Variants in KIRREL3 observed in about 807,000 individuals in gnomAD.
The protein encoded by KIRREL3 is kirre like nephrin family adhesion molecule 3, also known as kin of IRRE-like protein 3.
Under a neutral mutation model 89.7 loss-of-function variants are expected in KIRREL3, and 36 were observed. The ratio of observed to expected loss-of-function variants is 0.40; its 90% CI spans 0.31 to 0.53. The LOEUF (loss-of-function observed/expected upper bound fraction) is 0.53, where lower values mean the gene tolerates loss of function less well. Ranked by LOEUF, KIRREL3 falls within the 20% of genes least tolerant of loss-of-function variation. The pLI is 0.49. For synonymous variants in KIRREL3, 445 were observed against 441.4 expected, an observed-to-expected ratio of 1.01 and a Z score of -0.10; for missense variants, 864 against 1,056.6, an observed-to-expected ratio of 0.82 and a Z score of 2.53.
At position 126,555,591 on chromosome 11, in the gene KIRREL3, T is replaced by TAGACAC. The variant is rs1374004752; in HGVS notation, c.133+7238_133+7243dup. Among the ~76,000 whole-genome samples, 1 of 151,918 alleles carries TAGACAC rather than the reference T, an allele frequency of 6.6e-6. No individual in the cohort carries two copies. The highest frequency in any genetic ancestry group is 1.5e-5 in the Non-Finnish European group (1 of 67,982). ...AGCAGGGTAGACACAGGGAGCAGGG[T>TAGACAC]AGACACAGGCCCTATGACAGGGGCC... On this transcript the variant is annotated intron_variant, in intron 2 of 16. Coordinates refer to ENST00000525144, the MANE Select transcript of KIRREL3 (RefSeq NM_032531.4). This position sits in a 1 kb window ranked among gnomAD's most constrained non-coding sequence, Gnocchi z 4.2.
rs1945598706 is a variant in KIRREL3 at position 126,883,817 on chromosome 11, T to C, written c.55+116638A>G. Among the ~76,000 whole-genome samples, 1 of 152,144 alleles carries C rather than the reference T, an allele frequency of 6.6e-6. No homozygotes were observed. Among genetic ancestry groups the C allele is most frequent in the Non-Finnish European group, 1.5e-5 (1 of 68,032 alleles). On this transcript the variant is annotated intron_variant, in intron 1 of 16. Coordinates refer to ENST00000525144, the MANE Select transcript of KIRREL3 (RefSeq NM_032531.4). This position sits in a 1 kb window ranked among gnomAD's most constrained non-coding sequence, Gnocchi z 4.1. ...ATTAAAGATCCAATGTTAGAAAGTATGTTATATTAAAAAATGGCCATCCTA... is the reference window on the plus strand; with the variant it reads ...ATTAAAGATCCAATGTTAGAAAGTACGTTATATTAAAAAATGGCCATCCTA...
rs61897913 is a variant in KIRREL3 at position 126,729,110 on chromosome 11, C to T, written c.56-166198G>A. Reference sequence around the variant, plus strand: ...ACACAACTGGGCCATCTTCCCTCATCTCTAGCAGAATGGCTGCCTCCTTAG... The same window carrying T: ...ACACAACTGGGCCATCTTCCCTCATTTCTAGCAGAATGGCTGCCTCCTTAG... On this transcript the variant is annotated intron_variant, in intron 1 of 16. Coordinates refer to ENST00000525144, the MANE Select transcript of KIRREL3 (RefSeq NM_032531.4). The surrounding 1 kb of genome is among the most constrained non-coding windows in gnomAD (Gnocchi z 4.5). 0.16 allele frequency among the ~76,000 whole-genome samples: 23,650 copies of T among 152,194 alleles called. 1,943 individuals are homozygous for T. The highest frequency in any genetic ancestry group is 0.18 in the African/African-American group (7,281 of 41,536).
intron 1 of KIRREL3, among the ~76,000 whole-genome samples, chr11:126,674,370 A>G (rs1209864594): frequency 6.6e-6 from 1 of 152,232 alleles, no homozygotes; most frequent in African/African-American, 2.4e-5. Context: ...CCTTGTTCTC[A>G]TAAGTCCTGA....
intron 1 of KIRREL3, among the ~76,000 whole-genome samples, chr11:126,589,628 G>GA (rs1942043362): frequency 6.6e-6 from 1 of 152,178 alleles, no homozygotes; most frequent in Non-Finnish European, 1.5e-5. Flanking sequence ...AGCAGTGCTG[G>GA]GATAAGTGCT....
chr11:126,725,581 T>C (rs1219328681), intron 1 of KIRREL3, among the ~76,000 whole-genome samples: 1 of 152,224 alleles, frequency 6.6e-6, no homozygotes, highest in African/African-American at 2.4e-5. Context: ...AGTGTGTTTG[T>C]GTGCTCAGTG....
intron 1 of KIRREL3, among the ~76,000 whole-genome samples, chr11:126,960,367 C>A (rs534839047): frequency 5.3e-5 from 8 of 152,206 alleles, no homozygotes; most frequent in Non-Finnish European, 2.9e-5. Flanking sequence ...TTTCAGATAT[C>A]CAGCCGAGGA....
intron 1 of KIRREL3, among the ~76,000 whole-genome samples, chr11:126,816,861 T>G (rs1277805569): frequency 1.3e-5 from 2 of 152,132 alleles, no homozygotes; most frequent in Non-Finnish European, 2.9e-5. Context: ...GAGAAATAAG[T>G]GACTTATTGA....
chr11:126,643,151 A>G lies in KIRREL3; in HGVS notation c.56-80239T>C, dbSNP rs1273891400. Among the ~76,000 whole-genome samples, 6 of 152,218 alleles carry G rather than the reference A, an allele frequency of 3.9e-5. No homozygotes were observed. Among genetic ancestry groups the G allele is most frequent in the African/African-American group, 1.4e-4 (6 of 41,458 alleles). Reference sequence around the variant, plus strand: ...TTCTGTAATATTGGGCAGAAAATGTAAACAAGCATAGCTTCAATTTTCCTA... The same window carrying G: ...TTCTGTAATATTGGGCAGAAAATGTGAACAAGCATAGCTTCAATTTTCCTA... On this transcript the variant is annotated intron_variant, in intron 1 of 16. Coordinates refer to ENST00000525144, the MANE Select transcript of KIRREL3 (RefSeq NM_032531.4). The surrounding 1 kb of genome is among the most constrained non-coding windows in gnomAD (Gnocchi z 4.5).
At chr11:126,532,344 C>T (rs1050726496) in intron 2 of KIRREL3, among the ~76,000 whole-genome samples, 13 of 152,062 alleles carry the variant, frequency 8.5e-5, no homozygotes, top group African/African-American at 3.1e-4. Flanking sequence ...AACAAGGCAG[C>T]CTACTCAGAT....
At position 126,901,803 on chromosome 11, in the gene KIRREL3, AT is replaced by A. The variant is rs1644522289; in HGVS notation, c.55+98651del. Among the ~76,000 whole-genome samples the A allele has an allele frequency of 2.0e-5, 3 of 152,322 alleles. No individual in the cohort carries two copies. In the South Asian group the frequency reaches 6.2e-4, roughly 32 times the overall value. Reference sequence around the variant, plus strand: ...TTCCTCACTTGATAACCTGAATAATATTCATGGCTCTGGAGAGCAAAATCCT... The same window carrying A: ...TTCCTCACTTGATAACCTGAATAATATCATGGCTCTGGAGAGCAAAATCCT... On this transcript the variant is annotated intron_variant, in intron 1 of 16. Transcript: ENST00000525144.
intron 1 of KIRREL3, among the ~76,000 whole-genome samples, chr11:126,984,863 G>A (rs1949818263): frequency 6.6e-6 from 1 of 152,198 alleles, no homozygotes; most frequent in South Asian, 2.1e-4. Flanking sequence ...AGGAGACCTG[G>A]AGGAGGGAAA....
chr11:126,714,277 G>A (rs537157895), intron 1 of KIRREL3, among the ~76,000 whole-genome samples: 14 of 152,320 alleles, frequency 9.2e-5, no homozygotes, highest in African/African-American at 2.9e-4. Flanking sequence ...AAAGCTTAAC[G>A]TATTTACTCT....
chr11:126,762,229 G>A (rs930849476), intron 1 of KIRREL3, among the ~76,000 whole-genome samples: 2 of 152,052 alleles, frequency 1.3e-5, no homozygotes, highest in African/African-American at 4.8e-5. Context: ...TGGTCTCCTG[G>A]TTGTTCACCT....
At chr11:126,923,013 G>A (rs2134991509) in intron 1 of KIRREL3, among the ~76,000 whole-genome samples, 1 of 152,254 alleles carries the variant, frequency 6.6e-6, no homozygotes, top group Non-Finnish European at 1.5e-5. Context: ...TCGTGCCCTG[G>A]CTCCCATGGC....
Position 126,553,462 on chromosome 11 carries a change from G to C in KIRREL3, c.133+9373C>G, listed in dbSNP as rs1467222824. 6.6e-6 allele frequency among the ~76,000 whole-genome samples: 1 copy of C among 152,192 alleles called. No individual in the cohort carries two copies. The highest frequency in any genetic ancestry group is 1.5e-5 in the Non-Finnish European group (1 of 68,034). On this transcript the variant is annotated intron_variant, in intron 2 of 16. Coordinates refer to ENST00000525144, the MANE Select transcript of KIRREL3 (RefSeq NM_032531.4). This position sits in a 1 kb window ranked among gnomAD's most constrained non-coding sequence, Gnocchi z 4.7. ...GCAGTCTCTGTCTCTCTTGCTGGCA[G>C]ACAGAATAGCTCTTACTGGCATTAT...
chr11:126,730,297 T>C (rs1281729047), intron 1 of KIRREL3, among the ~76,000 whole-genome samples: 2 of 152,076 alleles, frequency 1.3e-5, no homozygotes, highest in African/African-American at 4.8e-5. Flanking sequence ...CACCTTCTCC[T>C]CCCTCTTCTC....
At chr11:126,540,703 G>A (rs753631774) in intron 2 of KIRREL3, among the ~76,000 whole-genome samples, 1 of 152,210 alleles carries the variant, frequency 6.6e-6, no homozygotes, top group African/African-American at 2.4e-5. Context: ...GCCCATGGCA[G>A]AGCCCATCCA....
intron 1 of KIRREL3, among the ~76,000 whole-genome samples, chr11:126,963,880 T>C (rs890975790): frequency 1.3e-5 from 2 of 152,182 alleles, no homozygotes; most frequent in Non-Finnish European, 2.9e-5. Context: ...AGCCAGGATA[T>C]GACTCCAATG....
chr11:126,638,006 AT>A (rs947694622), intron 1 of KIRREL3, among the ~76,000 whole-genome samples: 1 of 152,214 alleles, frequency 6.6e-6, no homozygotes, highest in African/African-American at 2.4e-5. Flanking sequence ...AATGGAGAGA[AT>A]TTAGCTTTGC....
Sources: allele counts gnomAD v4.1 joint callset (sites outside exome capture counted in the v4.1 genomes callset), GRCh38; gene constraint gnomAD v4.1.1; non-coding constraint Gnocchi (gnomAD v3.1); transcripts MANE v1.5; gene names NCBI Gene and HGNC (gene_info 2026-07-23, HGNC 2026-07-21).